Variants in FAM156A observed in about 807,000 individuals in gnomAD.
FAM156A encodes family with sequence similarity 156 member A.
intron 1 of FAM156A, among the ~76,000 whole-genome samples, chrX:52,988,625 C>T (rs1222971069): frequency 8.9e-6 from 1 of 112,362 alleles, no homozygotes; most frequent in Non-Finnish European, 1.9e-5. Flanking sequence ...AGGTTAGAAT[C>T]CTTGCTTTCT....
chrX:52,994,705 T>C (rs1477576494), intron 1 of FAM156A, among the ~76,000 whole-genome samples: 2 of 111,406 alleles, frequency 1.8e-5, no homozygotes, highest in African/African-American at 6.5e-5. Context: ...CCAGGCGTGG[T>C]GGCTCATGTC....
intron 1 of FAM156A, among the ~76,000 whole-genome samples, chrX:52,992,532 A>G (rs1398654438): frequency 3.6e-5 from 4 of 110,432 alleles, no homozygotes; most frequent in Admixed American, 9.6e-5. Flanking sequence ...GGGCACTGCG[A>G]GCCTGTGTGC....
intron 1 of FAM156A, among the ~76,000 whole-genome samples, chrX:52,985,735 A>C (rs1930229038): frequency 9.0e-6 from 1 of 110,831 alleles, no homozygotes; most frequent in African/African-American, 3.3e-5. Context: ...ACTTAGATGA[A>C]AATGGAACAA....
intron 1 of FAM156A, among the ~76,000 whole-genome samples, chrX:52,986,630 C>G (rs1930308251): frequency 9.1e-6 from 1 of 110,151 alleles, no homozygotes; most frequent in African/African-American, 3.3e-5. Context: ...ACAGATAAAG[C>G]CTTTGACAAA....
intron 1 of FAM156A, among the ~76,000 whole-genome samples, chrX:52,981,802 T>C (rs1929933256): frequency 9.1e-6 from 1 of 110,392 alleles, no homozygotes; most frequent in Admixed American, 9.6e-5. Context: ...CTCACAGAAA[T>C]TTAGGAAGGC....
intron 1 of FAM156A, among the ~76,000 whole-genome samples, chrX:52,992,117 G>A (rs1307664428): frequency 9.5e-6 from 1 of 105,817 alleles, no homozygotes; most frequent in Non-Finnish European, 1.9e-5. Context: ...CCTGCTTGGC[G>A]GGCATTAGCC....
chrX:52,981,824 C>CTT (rs1277409823), intron 1 of FAM156A, among the ~76,000 whole-genome samples: 11 of 100,985 alleles, frequency 1.1e-4, no homozygotes, highest in African/African-American at 3.6e-4. Flanking sequence ...GAATGAGGAG[C>CTT]TTTTTTTTTT....
chrX:52,977,340 C>T (rs1452011139), intron 1 of FAM156A, among the ~76,000 whole-genome samples: 1 of 110,347 alleles, frequency 9.1e-6, no homozygotes, highest in Non-Finnish European at 1.9e-5. Context: ...TCCCCCATTG[C>T]CCATTTCCTC....
chrX:52,989,468 T>G (rs918326051), intron 1 of FAM156A, among the ~76,000 whole-genome samples: 1 of 112,020 alleles, frequency 8.9e-6, no homozygotes, highest in Non-Finnish European at 1.9e-5. Context: ...GAGCATCCCC[T>G]GCATGTTGGG....
At chrX:52,982,052 C>T (rs1602051416) in intron 1 of FAM156A, among the ~76,000 whole-genome samples, 2 of 112,017 alleles carry the variant, frequency 1.8e-5, no homozygotes, top group Admixed American at 1.9e-4. Context: ...AATCCCAGCA[C>T]TTTGGAAGGC....
chrX:52,980,607 G>A (rs1929799019), intron 1 of FAM156A, among the ~76,000 whole-genome samples: 1 of 111,711 alleles, frequency 9.0e-6, no homozygotes, highest in African/African-American at 3.3e-5. Context: ...ATGGTTGGAT[G>A]ACCAAACGCT....
At chrX:52,982,364 G>A (rs1190604689) in intron 1 of FAM156A, among the ~76,000 whole-genome samples, 2 of 111,331 alleles carry the variant, frequency 1.8e-5, no homozygotes, top group East Asian at 5.6e-4. Context: ...TGAGGTGGGA[G>A]AATCGCTTGA....
chrX:52,995,175 A>C (rs1447018428), intron 1 of FAM156A: 1 of 112,120 alleles, frequency 8.9e-6, no homozygotes, highest in Non-Finnish European at 1.9e-5. Context: ...TCCTAGGCAA[A>C]CACCAAACAA....
In FAM156A at chrX:52,980,856, GGA is replaced by G. The variant is rs782820340; in HGVS notation, c.-434+14448_-434+14449del. ...TGTGTGTGTGTGTGTGTGTGTAGAG[GGA>G]GAGAGAGAGAGAGAGGCTGTGGGGG... On this transcript the variant is annotated intron_variant, in intron 1 of 4. Transcript: ENST00000610625. Among the ~76,000 whole-genome samples, 30 of 82,402 alleles carry G rather than the reference GGA, an allele frequency of 3.6e-4. No individual in the cohort carries two copies. In the South Asian group the frequency reaches 0.012, roughly 34 times the overall value. 71.6% of individuals were successfully genotyped at this position (82,402 alleles called of 115,157 possible). A position where few individuals can be genotyped will look rare whatever the true frequency, so the allele number is the denominator to read the frequency against.
rs782731909 is a variant in FAM156A at position 52,990,532 on chromosome X, C to T, written c.-434+4774G>A. ...GGTACGGTGGCTCATGCCTGTAATC[C>T]CAGCATTTTGGGAGGCCAAGGCGGG... On this transcript the variant is annotated intron_variant, in intron 1 of 4. Coordinates refer to the FAM156A transcript ENST00000610625. Among the ~76,000 whole-genome samples the T allele has an allele frequency of 1.5e-4, 17 of 111,023 alleles. 1 individual carries two copies. The South Asian group carries it at 6.4e-3, about 42-fold the overall frequency.
chrX:52,981,785 C>G (rs781895975), intron 1 of FAM156A, among the ~76,000 whole-genome samples: 31 of 109,899 alleles, frequency 2.8e-4, no homozygotes, highest in Non-Finnish European at 5.1e-4. Flanking sequence ...AGTATGATTT[C>G]AACATACTCA....
chrX:52,984,360 T>C (rs1333486185), intron 1 of FAM156A, among the ~76,000 whole-genome samples: 2 of 112,068 alleles, frequency 1.8e-5, no homozygotes, highest in African/African-American at 6.5e-5. Context: ...TGTGCCAAGA[T>C]TCCAGACTTC....
chrX:52,975,206 C>T (rs1326465414), intron 1 of FAM156A, among the ~76,000 whole-genome samples: 3 of 110,926 alleles, frequency 2.7e-5, no homozygotes, highest in Admixed American at 9.6e-5. Context: ...CAAAGCTTCC[C>T]GTGGCCTCAA....
chrX:52,995,132 A>T (rs1356574613), intron 1 of FAM156A, among the ~76,000 whole-genome samples: 1 of 112,025 alleles, frequency 8.9e-6, no homozygotes, highest in African/African-American at 3.2e-5. Context: ...GCCTAAAGAT[A>T]CACATCCCCG....
Sources: allele counts gnomAD v4.1 joint callset (sites outside exome capture counted in the v4.1 genomes callset), GRCh38; gene constraint gnomAD v4.1.1; transcripts MANE v1.5; gene names NCBI Gene and HGNC (gene_info 2026-07-23, HGNC 2026-07-21).